The following RBFOX1 variants were observed in gnomAD, a reference collection of about 807,000 sequenced individuals.
RBFOX1 encodes the protein RNA binding protein fox-1 homolog 1.
RBFOX1 carries 8 observed loss-of-function variants against 57.7 expected under a neutral mutation model. That is an observed-to-expected ratio of 0.14 (90% CI 0.08 to 0.25). The LOEUF is 0.25. Among genes scored for constraint, RBFOX1 ranks in the 10% least tolerant of loss-of-function variants. RBFOX1 has a pLI of 1.00. For missense variants in RBFOX1, 611 were observed against 548.5 expected (o/e 1.11, Z -1.14); for synonymous variants, 326 against 222.4 (o/e 1.47, Z -4.15).
chr16:6,694,702 T>C (rs935790913), intron 3 of RBFOX1, among the ~76,000 whole-genome samples: 1 of 152,176 alleles, frequency 6.6e-6, no homozygotes, highest in African/African-American at 2.4e-5. Context: ...CCACCAGCTC[T>C]ATCATATCCT....
intron 14 of RBFOX1, among the ~76,000 whole-genome samples, chr16:7,681,186 A>G (rs1337763683): frequency 6.6e-6 from 1 of 152,170 alleles, no homozygotes; most frequent in Non-Finnish European, 1.5e-5. Flanking sequence ...ACAGAGATAG[A>G]CATATACATA....
intron 4 of RBFOX1, among the ~76,000 whole-genome samples, chr16:5,932,029 C>T (rs1285937029): frequency 6.6e-6 from 1 of 152,092 alleles, no homozygotes; most frequent in Admixed American, 6.6e-5. Context: ...GTTTCGGACT[C>T]TTGGACTCAA....
intron 4 of RBFOX1, among the ~76,000 whole-genome samples, chr16:7,157,881 T>C (rs2077470088): frequency 6.6e-6 from 1 of 152,206 alleles, no homozygotes; most frequent in African/African-American, 2.4e-5. Context: ...AGCTTCTCTG[T>C]TCACTTTGAC....
chr16:6,878,386 C>T (rs1208569841), intron 3 of RBFOX1, among the ~76,000 whole-genome samples: 2 of 152,126 alleles, frequency 1.3e-5, no homozygotes, highest in African/African-American at 4.8e-5. Flanking sequence ...GATATGGTGG[C>T]TAGAAATATT....
At chr16:5,898,136 G>A (rs1424206374) in intron 4 of RBFOX1, among the ~76,000 whole-genome samples, 3 of 152,156 alleles carry the variant, frequency 2.0e-5, no homozygotes, top group Non-Finnish European at 2.9e-5. Context: ...AAGGAGAAGT[G>A]TCAAGCAAAA....
At chr16:6,335,850 G>A (rs557255363) in intron 2 of RBFOX1, among the ~76,000 whole-genome samples, 1 of 149,498 alleles carries the variant, frequency 6.7e-6, no homozygotes, top group Non-Finnish European at 1.5e-5. Flanking sequence ...AAAATCTGTA[G>A]TAAAGTCAGA....
chr16:6,214,394 A>G (rs1285338833), intron 1 of RBFOX1, among the ~76,000 whole-genome samples: 1 of 143,814 alleles, frequency 7.0e-6, no homozygotes, highest in Non-Finnish European at 1.5e-5. Flanking sequence ...TGAGAGGGAG[A>G]GGGACAGGAA....
chr16:5,747,572 T>A (rs4395077), intron 3 of RBFOX1, among the ~76,000 whole-genome samples: 38,043 of 152,078 alleles, frequency 0.25, 5,627 homozygotes, highest in East Asian at 0.6. Context: ...GTGATTCGTC[T>A]GTTCAGGGAT....
chr16:6,642,266 C>G (rs1226830625), intron 2 of RBFOX1, among the ~76,000 whole-genome samples: 2 of 152,170 alleles, frequency 1.3e-5, no homozygotes, highest in African/African-American at 2.4e-5. Flanking sequence ...TTCTTAAAAG[C>G]TGAGCGAAAA....
chr16:7,465,463 C>A (rs117634879), intron 4 of RBFOX1, among the ~76,000 whole-genome samples: 9 of 152,372 alleles, frequency 5.9e-5, no homozygotes, highest in East Asian at 3.9e-4. Flanking sequence ...GCACCGTCAT[C>A]TCTACTTTCC....
intron 3 of RBFOX1, among the ~76,000 whole-genome samples, chr16:6,795,698 A>G (rs780262352): frequency 3.3e-5 from 5 of 151,922 alleles, no homozygotes; most frequent in Admixed American, 6.6e-5. Flanking sequence ...ACCAGAAGGC[A>G]GAGGTTGCAG....
intron 14 of RBFOX1, among the ~76,000 whole-genome samples, chr16:7,680,467 G>A (rs1348131665): frequency 1.3e-5 from 2 of 152,132 alleles, no homozygotes; most frequent in Admixed American, 6.5e-5. Flanking sequence ...CGTCAGGGCT[G>A]AAAGTAGCTA....
chr16:5,903,304 T>G (rs1043464802), intron 4 of RBFOX1, among the ~76,000 whole-genome samples: 1 of 152,208 alleles, frequency 6.6e-6, no homozygotes, highest in Non-Finnish European at 1.5e-5. Flanking sequence ...CCTCTTGCCC[T>G]CCCTGCTGTG....
At chr16:7,069,027 A>G (rs1325500625) in intron 4 of RBFOX1, among the ~76,000 whole-genome samples, 1 of 152,258 alleles carries the variant, frequency 6.6e-6, no homozygotes, top group African/African-American at 2.4e-5. Context: ...AGTAAAACAC[A>G]TGAATGAATG....
chr16:6,203,089 C>A (rs1201643835), intron 1 of RBFOX1, among the ~76,000 whole-genome samples: 1 of 151,906 alleles, frequency 6.6e-6, no homozygotes, highest in Non-Finnish European at 1.5e-5. Flanking sequence ...TGTTGATTTT[C>A]CTTTTGTGGT....
chr16:7,577,823 A>G (rs1192995003), intron 5 of RBFOX1, among the ~76,000 whole-genome samples: 2 of 152,182 alleles, frequency 1.3e-5, no homozygotes, highest in African/African-American at 4.8e-5. Context: ...TGAGCCCAGG[A>G]TTTCAAGGCT....
At chr16:5,897,423 T>G (rs1206821095) in intron 4 of RBFOX1, among the ~76,000 whole-genome samples, 1 of 152,220 alleles carries the variant, frequency 6.6e-6, no homozygotes, top group African/African-American at 2.4e-5. Flanking sequence ...TCTTACATAC[T>G]TAATCTTCAG....
At chr16:6,251,743 AT>A (rs1025154645) in intron 1 of RBFOX1, among the ~76,000 whole-genome samples, 26 of 152,092 alleles carry the variant, frequency 1.7e-4, no homozygotes, top group African/African-American at 6.0e-4. Context: ...ACCCAAACTG[AT>A]GCTTCCTCTT....
intron 4 of RBFOX1, among the ~76,000 whole-genome samples, chr16:6,003,262 G>C (rs1461662339): frequency 2.1e-5 from 3 of 144,102 alleles, no homozygotes; most frequent in Non-Finnish European, 4.5e-5. Context: ...CTGGGCGACA[G>C]AGAGCAAGAC....
Sources: gnomAD v4.1 joint callset for allele counts (sites outside exome capture counted in the v4.1 genomes callset) on GRCh38, gnomAD v4.1.1 for gene constraint, MANE v1.5 for transcripts, NCBI Gene and HGNC (gene_info 2026-07-23, HGNC 2026-07-21) for gene names.